The following CENPW variants were observed in gnomAD, a reference collection of about 807,000 sequenced individuals.
CENPW encodes the protein centromere protein W.
A neutral mutation model predicts 11.1 loss-of-function variants in CENPW; 3 were observed. The observed-to-expected ratio is 0.27, with a 90% CI of 0.12 to 0.70. The LOEUF (loss-of-function observed/expected upper bound fraction) is 0.70, where lower values mean the gene tolerates loss of function less well. Among genes scored for constraint, CENPW ranks in the 30% least tolerant of loss-of-function variants. The pLI is 0.77. For missense variants in CENPW, 100 were observed against 105.6 expected (o/e 0.95, Z 0.23); for synonymous variants, 38 against 42.0 (o/e 0.91, Z 0.37).
the CENPW span, among the ~76,000 whole-genome samples, chr6:126,378,951 T>C: frequency 6.6e-6 from 1 of 152,186 alleles, no homozygotes; most frequent in African/African-American, 2.4e-5. Context: ...TTCTATTGCA[T>C]ATAGGAAAAA....
the CENPW span, among the ~76,000 whole-genome samples, chr6:126,403,860 T>G: frequency 6.6e-6 from 1 of 152,114 alleles, no homozygotes; most frequent in African/African-American, 2.4e-5. Flanking sequence ...AGATTCACAT[T>G]GGAAGAAGAT....
the CENPW span, among the ~76,000 whole-genome samples, chr6:126,399,093 A>C: frequency 6.6e-6 from 1 of 151,998 alleles, no homozygotes; most frequent in East Asian, 1.9e-4. Flanking sequence ...TGTCTTTGCT[A>C]TTGTAAATAA....
At chr6:126,388,316 T>G in the CENPW span, among the ~76,000 whole-genome samples, 2 of 152,130 alleles carry the variant, frequency 1.3e-5, no homozygotes, top group South Asian at 4.1e-4. Context: ...TCTTGTAATC[T>G]GTAGTAGATT....
At chr6:126,466,008 C>G in the CENPW span, among the ~76,000 whole-genome samples, 1 of 151,926 alleles carries the variant, frequency 6.6e-6, no homozygotes, top group Non-Finnish European at 1.5e-5. Context: ...GTTACGGGTT[C>G]TAGGATGTAT....
At chr6:126,442,450 A>G in the CENPW span, among the ~76,000 whole-genome samples, 1 of 151,444 alleles carries the variant, frequency 6.6e-6, no homozygotes, top group South Asian at 2.1e-4. Context: ...GTGGGAGAAA[A>G]TCTTCACAAT....
chr6:126,354,095 A>G, the CENPW span, among the ~76,000 whole-genome samples: 4 of 151,598 alleles, frequency 2.6e-5, no homozygotes, highest in African/African-American at 7.3e-5. Context: ...ATCATGTAGT[A>G]CTGTCTTTTG....
At chr6:126,360,260 T>A in the CENPW span, among the ~76,000 whole-genome samples, 50 of 152,332 alleles carry the variant, frequency 3.3e-4, no homozygotes, top group South Asian at 4.1e-3. Flanking sequence ...TCTCAGTGTC[T>A]TCTGGCTTGT....
chr6:126,388,198 A>G, the CENPW span, among the ~76,000 whole-genome samples: 1 of 152,046 alleles, frequency 6.6e-6, no homozygotes, highest in Non-Finnish European at 1.5e-5. Context: ...AAGCATAAAC[A>G]TTAAGTGAAT....
At chr6:126,465,468 A>G in the CENPW span, among the ~76,000 whole-genome samples, 1 of 152,136 alleles carries the variant, frequency 6.6e-6, no homozygotes, top group Non-Finnish European at 1.5e-5. Context: ...TTACAAATTT[A>G]GCATAATCCC....
chr6:126,364,078 A>G, the CENPW span, among the ~76,000 whole-genome samples: 22 of 152,176 alleles, frequency 1.4e-4, no homozygotes, highest in Admixed American at 5.2e-4. Flanking sequence ...TTGACAGGCT[A>G]TAGTGAAAAT....
At chr6:126,464,122 G>T in the CENPW span, among the ~76,000 whole-genome samples, 2 of 152,078 alleles carry the variant, frequency 1.3e-5, no homozygotes, top group African/African-American at 4.8e-5. Context: ...AATACATCAC[G>T]ATCAAATGTG....
the CENPW span, among the ~76,000 whole-genome samples, chr6:126,359,773 CA>C: frequency 6.9e-6 from 1 of 144,186 alleles, no homozygotes; most frequent in Non-Finnish European, 1.5e-5. Flanking sequence ...TTTTTTTTTA[CA>C]TTTGCATGAT....
chr6:126,434,354 A>T, the CENPW span, among the ~76,000 whole-genome samples: 1 of 152,158 alleles, frequency 6.6e-6, no homozygotes, highest in Non-Finnish European at 1.5e-5. Context: ...AATTCTACCT[A>T]ATGGTCTAGA....
At chr6:126,381,865 C>T in the CENPW span, among the ~76,000 whole-genome samples, 1 of 152,146 alleles carries the variant, frequency 6.6e-6, no homozygotes, top group African/African-American at 2.4e-5. Context: ...TTAGAGCACA[C>T]AGTTCAGAAG....
At chr6:126,471,846 C>T in the CENPW span, among the ~76,000 whole-genome samples, 2 of 152,148 alleles carry the variant, frequency 1.3e-5, no homozygotes, top group Non-Finnish European at 2.9e-5. Context: ...TGGGAGTGCT[C>T]ATCACATGGG....
At chr6:126,384,322 G>A in the CENPW span, among the ~76,000 whole-genome samples, 1 of 151,934 alleles carries the variant, frequency 6.6e-6, no homozygotes, top group Non-Finnish European at 1.5e-5. Context: ...AATAGCGAAG[G>A]CCATCATAAG....
chr6:126,461,835 C>T, the CENPW span, among the ~76,000 whole-genome samples: 1 of 151,928 alleles, frequency 6.6e-6, no homozygotes, highest in Middle Eastern at 3.4e-3. Context: ...TTAATATATA[C>T]GTTTTCTCAA....
the CENPW span, among the ~76,000 whole-genome samples, chr6:126,371,802 T>C: frequency 1.2e-4 from 18 of 152,196 alleles, no homozygotes; most frequent in Non-Finnish European, 2.1e-4. Flanking sequence ...CCTGGTTTAA[T>C]CTACAAGCGT....
the CENPW span, among the ~76,000 whole-genome samples, chr6:126,372,858 A>G: frequency 7.9e-5 from 12 of 152,296 alleles, no homozygotes; most frequent in South Asian, 2.5e-3. Context: ...TAAGTCCTCT[A>G]AAGTGCTTTG....
Sources: gnomAD v4.1 joint callset for allele counts (sites outside exome capture counted in the v4.1 genomes callset) on GRCh38, gnomAD v4.1.1 for gene constraint, MANE v1.5 for transcripts, NCBI Gene and HGNC (gene_info 2026-07-23, HGNC 2026-07-21) for gene names.